ANKDD1B: variants seen among roughly 807,000 people sequenced by gnomAD.
ANKDD1B encodes the protein ankyrin repeat and death domain containing 1B, also known as ankyrin repeat and death domain-containing protein 1B.
Under a neutral mutation model 59.7 loss-of-function variants are expected in ANKDD1B, and 57 were observed. That is an observed-to-expected ratio of 0.95 (90% CI 0.77 to 1.19). ANKDD1B has a LOEUF of 1.19. Ranked by LOEUF, ANKDD1B falls within the 50% of genes most tolerant of loss-of-function variation. The pLI is 0.00. For synonymous variants in ANKDD1B, 216 were observed against 239.5 expected (o/e 0.90, Z 0.91); for missense variants, 602 against 641.9 (o/e 0.94, Z 0.67).
chr5:75,630,516 G>A lies in ANKDD1B; in HGVS notation c.601-4382G>A, dbSNP rs140398351. On this transcript the variant is annotated intron_variant, in intron 5 of 13. Transcript: ENST00000601380. ...CTGTGGTAACTGTAGTCTTTTCTCA[G>A]AACCTCCCATCTCTTAGCAGGTGAA... Among the ~76,000 whole-genome samples, 823 of 152,328 alleles carry A rather than the reference G, an allele frequency of 5.4e-3. 10 individuals are homozygous for A. Among genetic ancestry groups the A allele is most frequent in the African/African-American group, 0.014 (588 of 41,578 alleles).
chr5:75,647,479 C>T (rs1297281894), intron 7 of ANKDD1B, among the ~76,000 whole-genome samples: 2 of 126,934 alleles, frequency 1.6e-5, no homozygotes, highest in Non-Finnish European at 3.1e-5. Flanking sequence ...GACATTTATG[C>T]AGCCAAAAAA....
rs1774875517 is a variant in ANKDD1B, at chr5:75,653,211, G to A, written c.868G>A (p.Glu290Lys). 3 of 1,536,084 alleles carry A rather than the reference G, an allele frequency of 2.0e-6. No individual in the cohort carries two copies. The highest frequency in any genetic ancestry group is 2.6e-6 in the Non-Finnish European group (3 of 1,146,854). Residue 290 changes from glutamate (E) to lysine (K), a missense_variant, in exon 8 of 14, where the codon GAG (glutamate) becomes AAG (lysine). Physicochemically the swap from Glu to Lys is moderately conservative, Grantham distance 56. Around this residue, in one of 3 missense-constraint regions of ANKDD1B, gnomAD observed 280 missense variants for 319.8 expected, o/e 0.88. Coordinates refer to ENST00000601380, the MANE Select transcript of ANKDD1B (RefSeq NM_001276713.2). ...ATCCCTTGTCAACTTTCTTCTCAGT[G>A]AGAACGTTGATCTGCACCAGAAAGT... ...HASLVNFLLS[E>K]NVDLHQKVEP...
At chr5:75,658,368 C>T (rs964984101) in intron 9 of ANKDD1B, among the ~76,000 whole-genome samples, 3 of 152,148 alleles carry the variant, frequency 2.0e-5, no homozygotes, top group East Asian at 1.9e-4. Context: ...TAGATCACAT[C>T]AAAGGATCCT....
intron 3 of ANKDD1B, among the ~76,000 whole-genome samples, chr5:75,621,464 T>C (rs1191645963): frequency 6.7e-6 from 1 of 149,422 alleles, no homozygotes; most frequent in African/African-American, 2.5e-5. Context: ...CATGCATTCT[T>C]TTTTTTTTTA....
In ANKDD1B at chr5:75,671,728, G is replaced by A; in HGVS notation, c.*688G>A. ...TTTTTTTTTTAAATCTCTTGGTGAT[G>A]TAATTACAGATGATTATTTTCTTTG... On this transcript the variant is annotated 3_prime_UTR_variant, in exon 14 of 14. Transcript: ENST00000601380. 1 of 150,188 alleles carries A rather than the reference G, an allele frequency of 6.7e-6. No homozygotes were observed. Among genetic ancestry groups the A allele is most frequent in the African/African-American group, 2.5e-5 (1 of 40,782 alleles). 9.3% of individuals were successfully genotyped at this position (150,188 alleles called of 1,614,324 possible).
chr5:75,618,287 A>G (rs1339651921), intron 2 of ANKDD1B, among the ~76,000 whole-genome samples: 1 of 152,220 alleles, frequency 6.6e-6, no homozygotes, highest in Non-Finnish European at 1.5e-5. Flanking sequence ...TAACTGTGGG[A>G]GTAAGTGAAG....
intron 2 of ANKDD1B, among the ~76,000 whole-genome samples, chr5:75,619,888 A>C (rs963557483): frequency 3.3e-5 from 5 of 152,222 alleles, no homozygotes; most frequent in African/African-American, 4.8e-5. Context: ...AACTTAGAGA[A>C]GAACGAACAC....
At chr5:75,664,535 G>T (rs1425486154) in intron 11 of ANKDD1B, among the ~76,000 whole-genome samples, 3 of 151,720 alleles carry the variant, frequency 2.0e-5, no homozygotes, top group Non-Finnish European at 4.4e-5. Context: ...CTATCCTCAG[G>T]CTCAATTTCT....
At position 75,659,341 on chromosome 5, in the gene ANKDD1B, C is replaced by G; in HGVS notation, c.1055C>G (p.Thr352Ser). 1 of 1,536,100 alleles carries G rather than the reference C, an allele frequency of 6.5e-7. No homozygotes were observed. The highest frequency in any genetic ancestry group is 8.7e-7 in the Non-Finnish European group (1 of 1,146,878). The change falls in exon 10 of 14, where the codon ACC (threonine) becomes AGC (serine). Residue 352 changes from threonine to serine, a missense_variant. Physicochemically the swap from Thr to Ser is moderately conservative, Grantham distance 58. This residue lies in a region of ANKDD1B where 280 missense variants were observed against 319.8 expected (regional missense o/e 0.88). Transcript: ENST00000601380. ...CGTGGAAATGTGGAACTGGTGGAAA[C>G]CCTGCTGAAGGCAGGCTGTGACTTG... The part of the protein sequence containing the change: ...ADRGNVELVE[T>S]LLKAGCDLKA...
In ANKDD1B at chr5:75,625,691, T is replaced by G; in HGVS notation, c.441T>G (p.Leu147=). ...ACCTTGCAGCCTGGTCTGGGAGCCT[T>G]GAGGTCATGCTCATGCTGGTTAAAG... ...VIHLAAWSGS[L]EVMLMLVKAG... Residue 147 remains leucine (L), a synonymous_variant, in exon 4 of 14, where the codon CTT becomes CTG. Coordinates refer to ENST00000601380, the MANE Select transcript of ANKDD1B (RefSeq NM_001276713.2). The G allele has an allele frequency of 6.5e-7, 1 of 1,536,536 alleles. No individual in the cohort carries two copies. Among genetic ancestry groups the G allele is most frequent in the Non-Finnish European group, 8.7e-7 (1 of 1,147,004 alleles).
intron 1 of ANKDD1B, among the ~76,000 whole-genome samples, chr5:75,612,174 TTAAA>T (rs1324546336): frequency 2.6e-5 from 4 of 152,202 alleles, no homozygotes; most frequent in Admixed American, 1.3e-4. Context: ...TTGTCTGACT[TTAAA>T]TAAGTCAGTC....
chr5:75,652,537 G>C (rs1774860126), intron 7 of ANKDD1B, among the ~76,000 whole-genome samples: 1 of 152,102 alleles, frequency 6.6e-6, no homozygotes, highest in African/African-American at 2.4e-5. Flanking sequence ...TGCCTCCCAG[G>C]CTCAAACCAT....
intron 8 of ANKDD1B, among the ~76,000 whole-genome samples, chr5:75,654,442 A>C (rs1223345049): frequency 1.3e-5 from 2 of 152,144 alleles, no homozygotes; most frequent in African/African-American, 2.4e-5. Context: ...TTTTTGAAAA[A>C]CTGTCAGCCT....
chr5:75,658,411 T>A (rs914743326), intron 9 of ANKDD1B, among the ~76,000 whole-genome samples: 20 of 152,158 alleles, frequency 1.3e-4, no homozygotes, highest in African/African-American at 4.6e-4. Context: ...TCTCTTCACA[T>A]CTGCATTCCT....
intron 1 of ANKDD1B, among the ~76,000 whole-genome samples, chr5:75,613,479 C>T (rs1430267666): frequency 6.6e-6 from 1 of 152,130 alleles, no homozygotes. Flanking sequence ...GATGCTTCAT[C>T]CTGCATATAT....
intron 12 of ANKDD1B, among the ~76,000 whole-genome samples, chr5:75,667,847 T>TG (rs1351203223): frequency 6.6e-6 from 1 of 152,200 alleles, no homozygotes; most frequent in Non-Finnish European, 1.5e-5. Context: ...GAACTGGGGA[T>TG]GGCAGAAGCA....
intron 9 of ANKDD1B, among the ~76,000 whole-genome samples, chr5:75,656,363 G>A (rs148148415): frequency 1.4e-4 from 21 of 152,154 alleles, no homozygotes; most frequent in African/African-American, 5.1e-4. Context: ...AATCCTTCAT[G>A]TTTAACAGGC....
chr5:75,634,825 G>T, intron 5 of ANKDD1B, 73 bp from the exon 6 acceptor site: 1 of 961,648 alleles, frequency 1.0e-6, no homozygotes, highest in Non-Finnish European at 1.6e-6. Context: ...TTGAAATGTC[G>T]CTAGCTTTGT....
At chr5:75,654,323 GTC>G (rs1774907358) in intron 8 of ANKDD1B, among the ~76,000 whole-genome samples, 1 of 152,184 alleles carries the variant, frequency 6.6e-6, no homozygotes, top group Non-Finnish European at 1.5e-5. Flanking sequence ...TTCAAGTCCT[GTC>G]TCTGCCACTT....
Sources: gnomAD v4.1 joint callset for allele counts (sites outside exome capture counted in the v4.1 genomes callset) on GRCh38, gnomAD v4.1.1 for gene constraint, gnomAD v4.1.1 regional missense constraint, MANE v1.5 for transcripts, NCBI Gene and HGNC (gene_info 2026-07-23, HGNC 2026-07-21) for gene names.